The following EXOSC10 variants were observed in gnomAD, a reference collection of about 807,000 sequenced individuals.
EXOSC10 encodes exosome complex component 10.
Under a neutral mutation model 126.6 loss-of-function variants are expected in EXOSC10, and 94 were observed. The observed-to-expected ratio is 0.74, with a 90% CI of 0.63 to 0.88. The LOEUF (loss-of-function observed/expected upper bound fraction) is 0.88. Ranked by LOEUF, EXOSC10 falls within the 40% of genes least tolerant of loss-of-function variation. EXOSC10 has a pLI of 0.00. For synonymous variants in EXOSC10, 395 were observed against 400.8 expected (o/e 0.99, Z 0.17); for missense variants, 1,041 against 1,100.5 (o/e 0.95, Z 0.77).
chr1:11,072,063 G>C (rs1191500766), intron 20 of EXOSC10, 24 bp downstream of exon 20: 1 of 1,587,396 alleles, frequency 6.3e-7, no homozygotes, highest in African/African-American at 1.3e-5. Context: ...ACAGCCGACT[G>C]AGTTGCAAGG....
At position 11,087,823 on chromosome 1, in the gene EXOSC10, G is replaced by T; in HGVS notation, c.922C>A (p.Gln308Lys). 1 of 1,612,714 alleles carries T rather than the reference G, an allele frequency of 6.2e-7. No individual in the cohort carries two copies. Among genetic ancestry groups the T allele is most frequent in the African/African-American group, 1.3e-5 (1 of 75,018 alleles). Reference sequence around the variant, plus strand: ...ACCTCCAAGTCAACTGCAAATTCCTGACAATTCAAGAGCTTTTCGTTGAGT... The same window carrying T: ...ACCTCCAAGTCAACTGCAAATTCCTTACAATTCAAGAGCTTTTCGTTGAGT... Reference protein sequence around the residue: ...VELNEKLLNCQEFAVDLEHHS... With the variant: ...VELNEKLLNCKEFAVDLEHHS... The change falls in exon 8 of 25, where the codon CAG becomes AAG. Residue 308 changes from glutamine to lysine, a missense_variant. By Grantham distance (53) the Gln-to-Lys change is moderately conservative. Transcript: ENST00000376936.
At chr1:11,072,311 C>T in intron 19 of EXOSC10, 140 bp from the exon 20 acceptor site, 2 of 620,348 alleles carry the variant, frequency 3.2e-6, no homozygotes, top group East Asian at 5.5e-5. Context: ...AATCTAAGGG[C>T]ATGAAAAATA....
intron 3 of EXOSC10, among the ~76,000 whole-genome samples, chr1:11,093,369 G>A (rs1391444914): frequency 6.6e-6 from 1 of 152,190 alleles, no homozygotes; most frequent in East Asian, 1.9e-4. Context: ...TAAAGCAGAC[G>A]TGAAATATCA....
chr1:11,098,008 T>A lies in EXOSC10; in HGVS notation c.248+12A>T. 1 of 1,582,570 alleles carries A rather than the reference T, an allele frequency of 6.3e-7. No individual in the cohort carries two copies. Reference sequence around the variant, plus strand: ...TTTTCACTAACACAAGAAAACAAAGTACAGTACTTACCACTGAAGCAACCT... The same window carrying A: ...TTTTCACTAACACAAGAAAACAAAGAACAGTACTTACCACTGAAGCAACCT... On this transcript the variant is annotated intron_variant, in intron 2 of 24. Coordinates refer to ENST00000376936, the MANE Select transcript of EXOSC10 (RefSeq NM_001001998.3).
Position 11,099,869 on chromosome 1 carries a change from C to T in EXOSC10, c.-38G>A, listed in dbSNP as rs199805811. 7.5e-4 allele frequency: 1,163 copies of T among 1,560,862 alleles called. 7 individuals are homozygous for T. In the African/African-American group the frequency reaches 0.014, roughly 19 times the overall value. Reference sequence around the variant, plus strand: ...CACGGCTCGTCTCGCGAGAGCTTGTCGGCCGAGGAGACGGGACGCGTGCGC... The same window carrying T: ...CACGGCTCGTCTCGCGAGAGCTTGTTGGCCGAGGAGACGGGACGCGTGCGC... On this transcript the variant is annotated 5_prime_UTR_variant, in exon 1 of 25. Coordinates refer to ENST00000376936, the MANE Select transcript of EXOSC10 (RefSeq NM_001001998.3).
chr1:11,071,235 C>T (rs11583740), intron 20 of EXOSC10: 23,117 of 461,610 alleles, frequency 0.05, 817 homozygotes, highest in Middle Eastern at 0.088. Context: ...TGCTCAGTGG[C>T]CTGTGGACCT....
Position 11,091,189 on chromosome 1 carries a change from A to G in EXOSC10, c.478-10T>C. 1 of 1,610,258 alleles carries G rather than the reference A, an allele frequency of 6.2e-7. No individual in the cohort carries two copies. The highest frequency in any genetic ancestry group is 8.5e-7 in the Non-Finnish European group (1 of 1,178,496). The stretch of plus-strand genomic sequence containing the variant: ...TGCCATATTCTGCTGCCTATGATCA[A>G]TGAATACAAATACTTTATAACACAG... On this transcript the variant is annotated splice_polypyrimidine_tract_variant and intron_variant, in intron 4 of 24. Coordinates refer to ENST00000376936, the MANE Select transcript of EXOSC10 (RefSeq NM_001001998.3).
intron 3 of EXOSC10, among the ~76,000 whole-genome samples, chr1:11,092,440 CTT>C (rs1224398080): frequency 6.6e-6 from 1 of 151,126 alleles, no homozygotes; most frequent in African/African-American, 2.4e-5. Flanking sequence ...GTCTCGATCT[CTT>C]GACCTTGTGA....
chr1:11,070,344 C>T (rs936682159), intron 21 of EXOSC10, among the ~76,000 whole-genome samples: 1 of 148,888 alleles, frequency 6.7e-6, no homozygotes, highest in African/African-American at 2.5e-5. Flanking sequence ...TATAGTGAGA[C>T]CCCGTCTCCA....
chr1:11,074,861 T>C (rs746137306), intron 17 of EXOSC10, among the ~76,000 whole-genome samples: 57 of 152,200 alleles, frequency 3.7e-4, no homozygotes, highest in Admixed American at 9.2e-4. Context: ...CCTCATAGCC[T>C]ATGAGGTGGT....
At chr1:11,094,316 T>C (rs910208625) in intron 3 of EXOSC10, among the ~76,000 whole-genome samples, 2 of 149,628 alleles carry the variant, frequency 1.3e-5, no homozygotes, top group African/African-American at 4.9e-5. Context: ...TTTTTTGAGA[T>C]GGCGTCTCAC....
In EXOSC10 at chr1:11,071,987, G is replaced by A; in HGVS notation, c.2242+100C>T. On this transcript the variant is annotated intron_variant, in intron 20 of 24. Coordinates refer to ENST00000376936, the MANE Select transcript of EXOSC10 (RefSeq NM_001001998.3). Reference sequence around the variant, plus strand: ...CCCTCAGCAGAAGGGAAGCCCCACAGGGGCTTCATTCATCGCCGTATCTGG... The same window carrying A: ...CCCTCAGCAGAAGGGAAGCCCCACAAGGGCTTCATTCATCGCCGTATCTGG... 3.2e-6 allele frequency: 3 copies of A among 937,540 alleles called. No homozygotes were observed. The South Asian group carries it at 4.5e-5, about 14-fold the overall frequency. 58.1% of individuals were successfully genotyped at this position (937,540 alleles called of 1,614,324 possible).
intron 9 of EXOSC10, among the ~76,000 whole-genome samples, chr1:11,087,005 C>A (rs1640531805): frequency 6.6e-6 from 1 of 152,044 alleles, no homozygotes; most frequent in Non-Finnish European, 1.5e-5. Flanking sequence ...CACAAAAAAC[C>A]CTTCAAAAAA....
At chr1:11,090,234 G>A (rs894728888) in intron 6 of EXOSC10, among the ~76,000 whole-genome samples, 2 of 152,126 alleles carry the variant, frequency 1.3e-5, no homozygotes, top group Admixed American at 6.6e-5. Context: ...CTGACCTCAG[G>A]TGATCCACCG....
chr1:11,095,706 T>C lies in EXOSC10; in HGVS notation c.372+52A>G. The C allele has an allele frequency of 1.9e-6, 3 of 1,548,910 alleles. No individual in the cohort carries two copies. The South Asian group carries it at 3.4e-5, about 17-fold the overall frequency. On this transcript the variant is annotated intron_variant, in intron 3 of 24. Coordinates refer to ENST00000376936, the MANE Select transcript of EXOSC10 (RefSeq NM_001001998.3). ...TCCAGCCTGGGCGACAGAGCGAGAC[T>C]CCGTCTCAAAAACAAAACAAAACAA... is the stretch of plus-strand genomic sequence containing the variant.
At chr1:11,090,804 T>G (rs1640763309) in intron 5 of EXOSC10, 136 bp from the exon 6 acceptor site, 6 of 817,584 alleles carry the variant, frequency 7.3e-6, no homozygotes, top group Non-Finnish European at 1.2e-5. Context: ...CAGGCTGAAG[T>G]GTGGTGGCAC....
intron 21 of EXOSC10, among the ~76,000 whole-genome samples, chr1:11,070,107 C>T (rs776814307): frequency 4.6e-5 from 7 of 151,494 alleles, no homozygotes; most frequent in East Asian, 1.9e-4. Flanking sequence ...CATGGTGGTG[C>T]GTGCTTGTAG....
At chr1:11,091,638 G>C in intron 3 of EXOSC10, 41 bp from the exon 4 acceptor site, 2 of 1,456,038 alleles carry the variant, frequency 1.4e-6, no homozygotes, top group Non-Finnish European at 1.9e-6. Context: ...TTTTCCTTTT[G>C]AGGTTAGCAG....
At chr1:11,071,934 G>C in intron 20 of EXOSC10, 153 bp downstream of exon 20, 1 of 617,478 alleles carries the variant, frequency 1.6e-6, no homozygotes, top group Non-Finnish European at 2.9e-6. Context: ...GCTGCCATCT[G>C]CCAGGATAGA....
Sources: gnomAD v4.1 joint callset for allele counts (sites outside exome capture counted in the v4.1 genomes callset) on GRCh38, gnomAD v4.1.1 for gene constraint, MANE v1.5 for transcripts, NCBI Gene and HGNC (gene_info 2026-07-23, HGNC 2026-07-21) for gene names.